CLCN5: variants seen among roughly 807,000 people sequenced by gnomAD.
CLCN5 encodes Cl-/H+ antiporter 5.
A neutral mutation model predicts 54.0 loss-of-function variants in CLCN5; 17 were observed. That is an observed-to-expected ratio of 0.31 (90% CI 0.22 to 0.47). The LOEUF is 0.47. CLCN5 is among the 20% of genes least tolerant of loss of function. The probability of loss-of-function intolerance (pLI) is 1.00; values close to 1 mark genes in which losing one functional copy is unlikely to be tolerated. For missense variants in CLCN5, 448 were observed against 646.7 expected (o/e 0.69, Z 3.33); for synonymous variants, 222 against 233.0 (o/e 0.95, Z 0.43).
chrX:50,072,737 A>G (rs1933264208), intron 6 of CLCN5, 149 bp downstream of exon 6: 3 of 503,565 alleles, frequency 6.0e-6, no homozygotes, highest in Non-Finnish European at 1.1e-5. Flanking sequence ...CAATGTCCCC[A>G]TCTGTAAAGG....
rs61157983 is a variant in CLCN5, at chrX:49,972,112, GGTGTGTGTGTGTGT to G, written c.16+46833_16+46846del. On this transcript the variant is annotated intron_variant, in intron 3 of 14. Transcript: ENST00000376091. ...ATTTGCTTTATCATATGCATTCTCTGGTGTGTGTGTGTGTGTGTGTGTGTGTGTGTGTGTGTGTG... is the reference window on the plus strand; with the variant it reads ...ATTTGCTTTATCATATGCATTCTCTGGTGTGTGTGTGTGTGTGTGTGTGTG... Among the ~76,000 whole-genome samples the G allele has an allele frequency of 8.2e-3, 713 of 86,584 alleles. 12 individuals carry two copies. Among genetic ancestry groups the G allele is most frequent in the African/African-American group, 0.028 (662 of 23,624 alleles). The allele number at this position is 86,584 out of a possible 115,157, so 75.2% of individuals were successfully genotyped here. A position where few individuals can be genotyped will look rare whatever the true frequency, so the allele number is the denominator to read the frequency against.
chrX:50,029,867 C>G (rs937956952), intron 3 of CLCN5, among the ~76,000 whole-genome samples: 10 of 111,919 alleles, frequency 8.9e-5, no homozygotes, highest in Admixed American at 1.9e-4. Flanking sequence ...CCATTTGACC[C>G]AGCCATCCCA....
intron 3 of CLCN5, among the ~76,000 whole-genome samples, chrX:49,998,796 CCTTCTTGTTATTTCT>C (rs1929654404): frequency 9.0e-6 from 1 of 110,825 alleles, no homozygotes; most frequent in Non-Finnish European, 1.9e-5. Flanking sequence ...AGCCATCTTG[CCTTCTTGTTATTTCT>C]CTCCTTCACC....
At position 50,091,204 on chromosome X, in the gene CLCN5, A is replaced by T. The variant is rs180980053; in HGVS notation, c.2360+318A>T. On this transcript the variant is annotated intron_variant, in intron 14 of 14. Transcript: ENST00000376091. Reference sequence around the variant, plus strand: ...TTACAGTAGCATCAGGTAATAGTGTATTTGCTGGGTGTTTGTTCCCTACAA... The same window carrying T: ...TTACAGTAGCATCAGGTAATAGTGTTTTTGCTGGGTGTTTGTTCCCTACAA... Among the ~76,000 whole-genome samples, 791 of 111,693 alleles carry T rather than the reference A, an allele frequency of 7.1e-3. 8 individuals carry two copies. Among genetic ancestry groups the T allele is most frequent in the African/African-American group, 0.024 (730 of 30,759 alleles).
At chrX:49,987,432 GAGA>G (rs1929038024) in intron 3 of CLCN5, among the ~76,000 whole-genome samples, 1 of 111,913 alleles carries the variant, frequency 8.9e-6, no homozygotes, top group South Asian at 3.7e-4. Flanking sequence ...CAGATTTGGG[GAGA>G]AGTTTATCTG....
At chrX:50,076,614 C>T (rs1369955208) in intron 7 of CLCN5, among the ~76,000 whole-genome samples, 1 of 111,600 alleles carries the variant, frequency 9.0e-6, no homozygotes, top group East Asian at 2.8e-4. Context: ...CAGCCTCAAC[C>T]TCCTAGCCTC....
chrX:50,072,122 A>G (rs782633666), intron 5 of CLCN5, among the ~76,000 whole-genome samples: 4 of 112,212 alleles, frequency 3.6e-5, no homozygotes, highest in African/African-American at 1.3e-4. Flanking sequence ...GCCTGTGTTT[A>G]TTTATTCTTT....
At chrX:50,060,815 C>T (rs1278282434) in intron 4 of CLCN5, among the ~76,000 whole-genome samples, 3 of 101,323 alleles carry the variant, frequency 3.0e-5, no homozygotes, top group African/African-American at 8.5e-5. Context: ...GATCTGAGAA[C>T]GGGCAGACTG....
In CLCN5 at chrX:50,080,623, C is replaced by A; in HGVS notation, c.633C>A (p.Phe211Leu). ...EGAFAYIVNY[F>L]MYVLWALLFA... Reference sequence around the variant, plus strand: ...CCTTTGCCTACATAGTCAATTATTTCATGTACGTCCTCTGGGCTCTCCTAT... The same window carrying A: ...CCTTTGCCTACATAGTCAATTATTTAATGTACGTCCTCTGGGCTCTCCTAT... The change falls in exon 8 of 15, where the codon TTC becomes TTA. Residue 211 changes from phenylalanine to leucine, a missense_variant. By Grantham distance (22) the Phe-to-Leu change is conservative. Around this residue, in one of 5 missense-constraint regions of CLCN5, gnomAD observed 40 missense variants for 27.8 expected, o/e 1.44. Coordinates refer to ENST00000376091, the MANE Select transcript of CLCN5 (RefSeq NM_001127898.4). 16 of 1,206,725 alleles carry A rather than the reference C, an allele frequency of 1.3e-5. No homozygotes were observed. Among genetic ancestry groups the A allele is most frequent in the Non-Finnish European group, 1.5e-5 (13 of 891,893 alleles).
chrX:49,966,371 A>G (rs1156605602), intron 3 of CLCN5, among the ~76,000 whole-genome samples: 1 of 96,835 alleles, frequency 1.0e-5, no homozygotes, highest in Non-Finnish European at 1.9e-5. Flanking sequence ...GTATTTTCTT[A>G]CATGTTTAAA....
rs781988625 is a variant in CLCN5 at position 50,072,496 on chromosome X, A to G, written c.323A>G (p.Asn108Ser). The change falls in exon 6 of 15, where the codon AAT becomes AGT. Residue 108 changes from asparagine (N) to serine (S), a missense_variant. Around this residue, in one of 5 missense-constraint regions of CLCN5, gnomAD observed 41 missense variants for 71.3 expected, o/e 0.58. Transcript: ENST00000376091. The stretch of plus-strand genomic sequence containing the variant: ...TTTCTCATTTTCCCCTAGATTACCA[A>G]TAAAAGCAAAGAGTCAACATGGGCC... Reference protein sequence around the residue: ...RDRDRHREITNKSKESTWALI... With the variant: ...RDRDRHREITSKSKESTWALI... The G allele has an allele frequency of 2.2e-5, 26 of 1,199,851 alleles. No homozygotes were observed. The highest frequency in any genetic ancestry group is 2.9e-5 in the Non-Finnish European group (26 of 884,606).
intron 3 of CLCN5, among the ~76,000 whole-genome samples, chrX:49,960,936 T>C (rs1435537072): frequency 1.8e-5 from 2 of 111,659 alleles, no homozygotes; most frequent in Non-Finnish European, 3.8e-5. Flanking sequence ...AGTCTTCAGC[T>C]CTTGAAATCT....
At chrX:50,076,547 G>A (rs891458745) in intron 7 of CLCN5, among the ~76,000 whole-genome samples, 1 of 110,670 alleles carries the variant, frequency 9.0e-6, no homozygotes, top group Admixed American at 9.6e-5. Context: ...TCTTGAGACA[G>A]GGTCTTTCTC....
intron 6 of CLCN5, 65 bp from the exon 7 acceptor site, chrX:50,075,730 T>A: frequency 9.9e-7 from 1 of 1,015,027 alleles, no homozygotes; most frequent in Non-Finnish European, 1.4e-6. Flanking sequence ...CTTATTCTGA[T>A]GACCAAAGAA....
At chrX:50,002,639 CTCTCTGTCTCTG>C (rs1245500987) in intron 3 of CLCN5, among the ~76,000 whole-genome samples, 5 of 108,360 alleles carry the variant, frequency 4.6e-5, no homozygotes, top group Admixed American at 9.9e-5. Flanking sequence ...GTCTGTCTGT[CTCTCTGTCTCTG>C]TCTCTGTCTC....
intron 3 of CLCN5, among the ~76,000 whole-genome samples, chrX:49,978,354 A>G (rs7884532): frequency 0.012 from 1,369 of 112,171 alleles, 16 homozygotes; most frequent in African/African-American, 0.041. Context: ...AAATTACTTA[A>G]CTGCTCTGAG....
chrX:50,069,486 A>G (rs1309340929), intron 4 of CLCN5: 85 of 760,263 alleles, frequency 1.1e-4, no homozygotes, highest in Non-Finnish European at 1.3e-4. Context: ...TGCCTTATAA[A>G]TGTAAAATGG....
chrX:49,953,521 G>A (rs1927160823), intron 3 of CLCN5, among the ~76,000 whole-genome samples: 1 of 110,402 alleles, frequency 9.1e-6, no homozygotes, highest in African/African-American at 3.3e-5. Context: ...GCCCAGGCTG[G>A]TCTTGAACTC....
At chrX:50,030,106 A>T (rs1313446279) in intron 3 of CLCN5, among the ~76,000 whole-genome samples, 2 of 112,071 alleles carry the variant, frequency 1.8e-5, no homozygotes, top group African/African-American at 6.5e-5. Flanking sequence ...TTCTAGATGA[A>T]TATCACTACC....
Sources: allele counts gnomAD v4.1 joint callset (sites outside exome capture counted in the v4.1 genomes callset), GRCh38; gene constraint gnomAD v4.1.1; regional missense constraint gnomAD v4.1.1; transcripts MANE v1.5; gene names NCBI Gene and HGNC (gene_info 2026-07-23, HGNC 2026-07-21).